UBAC2: variants seen among roughly 807,000 people sequenced by gnomAD.
The protein encoded by UBAC2 is UBA domain containing 2, also known as ubiquitin-associated domain-containing protein 2.
UBAC2 carries 26 observed loss-of-function variants against 44.0 expected under a neutral mutation model. The observed-to-expected ratio is 0.59, with a 90% confidence interval of 0.43 to 0.82. The LOEUF (loss-of-function observed/expected upper bound fraction) is 0.82, where lower values mean the gene tolerates loss of function less well. Among genes scored for constraint, UBAC2 ranks in the 40% least tolerant of loss-of-function variants. The probability of loss-of-function intolerance (pLI) is 0.00; values close to 1 mark genes in which losing one functional copy is unlikely to be tolerated. For synonymous variants in UBAC2, 155 were observed against 154.3 expected (o/e 1.00, Z -0.04); for missense variants, 329 against 419.4 (o/e 0.78, Z 1.88).
At chr13:99,318,971 G>T (rs1594122841) in intron 6 of UBAC2, among the ~76,000 whole-genome samples, 1 of 151,114 alleles carries the variant, frequency 6.6e-6, no homozygotes. Flanking sequence ...TGAAAATGAA[G>T]AAGTTGGACT....
intron 1 of UBAC2, among the ~76,000 whole-genome samples, chr13:99,219,940 C>T (rs2043036256): frequency 6.6e-6 from 1 of 152,042 alleles, no homozygotes; most frequent in South Asian, 2.1e-4. Flanking sequence ...TATGGATATA[C>T]ATTTTGTTCA....
At chr13:99,369,743 C>T (rs540974459) in intron 8 of UBAC2, among the ~76,000 whole-genome samples, 69 of 152,190 alleles carry the variant, frequency 4.5e-4, no homozygotes, top group African/African-American at 1.4e-3. Context: ...AATTGGACAC[C>T]ACCTTAACCA....
chr13:99,350,465 C>T (rs779971131), intron 7 of UBAC2, among the ~76,000 whole-genome samples: 3 of 152,146 alleles, frequency 2.0e-5, no homozygotes, highest in Non-Finnish European at 2.9e-5. Context: ...GTGATATAAT[C>T]AATTATATCT....
chr13:99,308,409 TC>T (rs1461533467), intron 4 of UBAC2, among the ~76,000 whole-genome samples: 1 of 152,222 alleles, frequency 6.6e-6, no homozygotes, highest in Non-Finnish European at 1.5e-5. Flanking sequence ...CTTGTGTCAG[TC>T]TTCCTAACTC....
intron 1 of UBAC2, among the ~76,000 whole-genome samples, chr13:99,217,046 G>A (rs2043004417): frequency 6.6e-6 from 1 of 152,112 alleles, no homozygotes; most frequent in Non-Finnish European, 1.5e-5. Flanking sequence ...GGCCAGGCTG[G>A]TCTCGAACAC....
chr13:99,205,457 G>A (rs754220079), intron 1 of UBAC2, among the ~76,000 whole-genome samples: 2 of 152,214 alleles, frequency 1.3e-5, no homozygotes, highest in Non-Finnish European at 2.9e-5. Flanking sequence ...CAATCACGGT[G>A]TTTTCTGAAT....
At chr13:99,351,792 G>T in intron 7 of UBAC2, 1 of 456,708 alleles carries the variant, frequency 2.2e-6, no homozygotes, top group Non-Finnish European at 4.4e-6. Context: ...GCAAAGCCCA[G>T]GAGTCCTTGG....
rs145132565 is a variant in UBAC2 at position 99,333,760 on chromosome 13, G to A, written c.562-6560G>A. 7.2e-5 allele frequency among the ~76,000 whole-genome samples: 11 copies of A among 152,222 alleles called. No individual in the cohort carries two copies. The East Asian group carries it at 7.7e-4, about 11-fold the overall frequency. On this transcript the variant is annotated intron_variant, in intron 6 of 8. Transcript: ENST00000403766. ...CATAGTTTTGTGAGTGTATACTCAC[G>A]TCTGATTGTCATTGTGGGGGCAGGG... is the stretch of plus-strand genomic sequence containing the variant.
intron 4 of UBAC2, among the ~76,000 whole-genome samples, chr13:99,270,360 C>G (rs1024901596): frequency 6.6e-6 from 1 of 152,100 alleles, no homozygotes; most frequent in Non-Finnish European, 1.5e-5. Flanking sequence ...ACTGTTTTCA[C>G]TAGAATGCAC....
intron 7 of UBAC2, among the ~76,000 whole-genome samples, chr13:99,351,142 G>A (rs1473090345): frequency 6.6e-6 from 1 of 152,112 alleles, no homozygotes; most frequent in Non-Finnish European, 1.5e-5. Flanking sequence ...GTTGTCATTG[G>A]GGATAAAAAA....
In UBAC2 at chr13:99,284,808, C is replaced by T. The variant is rs563417684; in HGVS notation, c.390-29289C>T. ...ACTGTAAGCCAGGACTTACAGAAAA[C>T]GATACATATTCTAAGGCTGCTGGAA... On this transcript the variant is annotated intron_variant, in intron 4 of 8. Transcript: ENST00000403766. Among the ~76,000 whole-genome samples the T allele has an allele frequency of 3.9e-5, 6 of 152,122 alleles. No homozygotes were observed. The South Asian group carries it at 6.2e-4, about 16-fold the overall frequency.
chr13:99,366,639 A>G (rs1311618253), intron 7 of UBAC2, among the ~76,000 whole-genome samples: 1 of 151,446 alleles, frequency 6.6e-6, no homozygotes, highest in Non-Finnish European at 1.5e-5. Flanking sequence ...TTTTTTTTTC[A>G]TCCCTTTCGC....
At chr13:99,255,159 C>G in intron 4 of UBAC2, 1 of 1,614,090 alleles carries the variant, frequency 6.2e-7, no homozygotes, top group Non-Finnish European at 8.5e-7. Flanking sequence ...GCACCTGCAC[C>G]AGCAGCGTGA....
chr13:99,338,039 C>CTTTTTTCTTTTTTTTTT (rs1566509471), intron 6 of UBAC2, among the ~76,000 whole-genome samples: 46 of 91,562 alleles, frequency 5.0e-4, no homozygotes, highest in East Asian at 1.2e-3. Flanking sequence ...AACTTTTTTT[C>CTTTTTTCTTTTTTTTTT]TTTTTTTCTT....
intron 4 of UBAC2, among the ~76,000 whole-genome samples, chr13:99,294,342 TAA>T (rs1414032782): frequency 2.0e-5 from 3 of 152,192 alleles, no homozygotes; most frequent in Non-Finnish European, 4.4e-5. Flanking sequence ...CACCTCCATA[TAA>T]AGTCTTTTTC....
chr13:99,289,848 G>A lies in UBAC2; in HGVS notation c.390-24249G>A, dbSNP rs1366879166. Among the ~76,000 whole-genome samples the A allele has an allele frequency of 2.0e-5, 3 of 152,120 alleles. No individual in the cohort carries two copies. In the East Asian group the frequency reaches 5.8e-4, roughly 29 times the overall value. Reference sequence around the variant, plus strand: ...ATCTAGAACATTGCCAAACACTGTGGCAGAGGAGAATGCCACTCCCTCTCA... The same window carrying A: ...ATCTAGAACATTGCCAAACACTGTGACAGAGGAGAATGCCACTCCCTCTCA... On this transcript the variant is annotated intron_variant, in intron 4 of 8. Coordinates refer to ENST00000403766, the MANE Select transcript of UBAC2 (RefSeq NM_001144072.2).
intron 1 of UBAC2, among the ~76,000 whole-genome samples, chr13:99,230,647 T>C (rs1442822725): frequency 1.3e-5 from 2 of 152,170 alleles, no homozygotes; most frequent in African/African-American, 4.8e-5. Context: ...CAGCTCACAT[T>C]TCTTGACTCA....
chr13:99,214,308 T>C (rs1273379064), intron 1 of UBAC2, among the ~76,000 whole-genome samples: 1 of 151,940 alleles, frequency 6.6e-6, no homozygotes, highest in African/African-American at 2.4e-5. Context: ...TGGATCTTGC[T>C]TGGCCGTTCT....
chr13:99,374,340 A>T (rs1425760852), intron 8 of UBAC2, among the ~76,000 whole-genome samples: 1 of 152,156 alleles, frequency 6.6e-6, no homozygotes, highest in Non-Finnish European at 1.5e-5. Flanking sequence ...GCTTCCTTAA[A>T]GTTTCAATTT....
Sources: gnomAD v4.1 joint callset for allele counts (sites outside exome capture counted in the v4.1 genomes callset) on GRCh38, gnomAD v4.1.1 for gene constraint, MANE v1.5 for transcripts, NCBI Gene and HGNC (gene_info 2026-07-23, HGNC 2026-07-21) for gene names.